The following SHOC2 variants were observed in gnomAD, a reference collection of about 807,000 sequenced individuals.
SHOC2 encodes the protein SHOC2 leucine rich repeat scaffold protein.
A neutral mutation model predicts 50.2 loss-of-function variants in SHOC2; 4 were observed. The ratio of observed to expected loss-of-function variants is 0.08; its 90% confidence interval spans 0.04 to 0.18. SHOC2 has a LOEUF of 0.18. Ranked by LOEUF, SHOC2 falls within the 10% of genes least tolerant of loss-of-function variation. The pLI, the probability that SHOC2 is intolerant of heterozygous loss-of-function variation, is 1.00. For synonymous variants in SHOC2, 218 were observed against 244.5 expected (o/e 0.89, Z 1.01); for missense variants, 388 against 669.6 (o/e 0.58, Z 4.64).
At chr10:110,990,149 C>T (rs1017291248) in intron 3 of SHOC2, among the ~76,000 whole-genome samples, 8 of 152,262 alleles carry the variant, frequency 5.3e-5, no homozygotes, top group African/African-American at 9.6e-5. Flanking sequence ...GGAAGGCGAG[C>T]GCATGGCGCG....
At chr10:110,944,957 G>C (rs576501727) in intron 1 of SHOC2, among the ~76,000 whole-genome samples, 1 of 152,326 alleles carries the variant, frequency 6.6e-6, no homozygotes, top group South Asian at 2.1e-4. Context: ...CTTGTGCAGA[G>C]CTTCAAAGCT....
intron 3 of SHOC2, 112 bp from the exon 4 acceptor site, chr10:111,000,303 G>A (rs888721453): frequency 4.9e-6 from 5 of 1,018,972 alleles, no homozygotes; most frequent in Non-Finnish European, 7.5e-6. Context: ...TAAGGAACTT[G>A]CTGAAACAGT....
At chr10:110,969,466 T>C (rs997835278) in intron 2 of SHOC2, among the ~76,000 whole-genome samples, 3 of 152,208 alleles carry the variant, frequency 2.0e-5, no homozygotes, top group Non-Finnish European at 4.4e-5. Flanking sequence ...AGACAGTTTG[T>C]ATAACGAATC....
chr10:110,997,518 T>A (rs1301869181), intron 3 of SHOC2, among the ~76,000 whole-genome samples: 4 of 146,564 alleles, frequency 2.7e-5, no homozygotes, highest in Admixed American at 6.9e-5. Flanking sequence ...AAATGCACAA[T>A]TTTATCATGC....
intron 5 of SHOC2, among the ~76,000 whole-genome samples, chr10:111,006,396 A>G (rs1030972629): frequency 1.2e-4 from 18 of 152,136 alleles, no homozygotes; most frequent in Non-Finnish European, 2.4e-4. Context: ...TTTGAGACGG[A>G]GTCTCGCTCT....
intron 1 of SHOC2, among the ~76,000 whole-genome samples, chr10:110,940,458 T>A (rs1255802677): frequency 4.6e-5 from 7 of 152,336 alleles, no homozygotes; most frequent in African/African-American, 1.7e-4. Flanking sequence ...GTGAAAATAG[T>A]GTATATTAAA....
chr10:110,959,156 A>G (rs1352564247), intron 1 of SHOC2, among the ~76,000 whole-genome samples: 1 of 152,248 alleles, frequency 6.6e-6, no homozygotes, highest in Non-Finnish European at 1.5e-5. Context: ...CCAGAAAGCA[A>G]TGAAGAGCAA....
rs901682237 is a variant in SHOC2 at position 110,969,449 on chromosome 10, A to G, written c.703+4388A>G. ...TTATGAGTGGATTAGAGCAGGGGCC[A>G]CCAGATAGACAGTTTGTATAACGAA... is the stretch of plus-strand genomic sequence containing the variant. On this transcript the variant is annotated intron_variant, in intron 2 of 8. Transcript: ENST00000369452. Among the ~76,000 whole-genome samples the G allele has an allele frequency of 2.7e-4, 41 of 152,300 alleles. 1 individual carries two copies. Among genetic ancestry groups the G allele is most frequent in the Admixed American group, 2.4e-3 (36 of 15,296 alleles).
chr10:110,963,930 T>C (rs1220843065), intron 1 of SHOC2, among the ~76,000 whole-genome samples, 195 bp from the exon 2 acceptor site: 2 of 152,184 alleles, frequency 1.3e-5, no homozygotes, highest in African/African-American at 4.8e-5. Context: ...TCCTATTAGA[T>C]TGCAAGTTTC....
chr10:111,007,143 GTCT>G lies in SHOC2; in HGVS notation c.1162-381_1162-379del, dbSNP rs544761582. On this transcript the variant is annotated intron_variant, in intron 5 of 8. Coordinates refer to ENST00000369452, the MANE Select transcript of SHOC2 (RefSeq NM_007373.4). ...TTCCTTATGGGCTGTCATTAGATGC[GTCT>G]TCTTCTATTGTTTTCATATCTTTAT... is the stretch of plus-strand genomic sequence containing the variant. 2.2e-4 allele frequency among the ~76,000 whole-genome samples: 33 copies of G among 152,094 alleles called. 1 individual carries two copies. In the South Asian group the frequency reaches 5.6e-3, roughly 26 times the overall value.
chr10:110,923,867 T>C (rs1564699485), intron 1 of SHOC2, among the ~76,000 whole-genome samples: 1 of 152,218 alleles, frequency 6.6e-6, no homozygotes, highest in Non-Finnish European at 1.5e-5. Context: ...TCAATTACTA[T>C]TTAAAAGTCC....
intron 1 of SHOC2, among the ~76,000 whole-genome samples, chr10:110,937,813 A>G (rs1360172029): frequency 6.6e-6 from 1 of 152,214 alleles, no homozygotes; most frequent in Non-Finnish European, 1.5e-5. Context: ...GTAGTTATGA[A>G]GTCTTGTGCA....
intron 2 of SHOC2, among the ~76,000 whole-genome samples, chr10:110,969,500 A>G (rs1847737674): frequency 6.6e-6 from 1 of 152,220 alleles, no homozygotes; most frequent in Non-Finnish European, 1.5e-5. Context: ...AACTCTAGAC[A>G]GTGAAGTTTT....
intron 6 of SHOC2, 89 bp downstream of exon 6, chr10:111,007,742 T>G: frequency 7.9e-7 from 1 of 1,270,272 alleles, no homozygotes; most frequent in Non-Finnish European, 1.1e-6. Context: ...AATTTCTATT[T>G]GGGTGAATGT....
chr10:111,008,806 T>C (rs1848515930), intron 6 of SHOC2, among the ~76,000 whole-genome samples: 1 of 152,122 alleles, frequency 6.6e-6, no homozygotes, highest in Non-Finnish European at 1.5e-5. Flanking sequence ...TTCTCTGCCA[T>C]TTTAACCCCC....
At chr10:110,937,595 G>C (rs568519699) in intron 1 of SHOC2, among the ~76,000 whole-genome samples, 2 of 152,266 alleles carry the variant, frequency 1.3e-5, no homozygotes, top group Admixed American at 1.3e-4. Flanking sequence ...GAGGAAAAGA[G>C]GGGACCATAC....
At chr10:110,934,498 AT>A (rs1846964694) in intron 1 of SHOC2, among the ~76,000 whole-genome samples, 1 of 152,170 alleles carries the variant, frequency 6.6e-6, no homozygotes, top group African/African-American at 2.4e-5. Flanking sequence ...CTATGCTGTC[AT>A]TTTTAATATC....
chr10:110,968,628 G>T (rs1326147522), intron 2 of SHOC2, among the ~76,000 whole-genome samples: 1 of 151,390 alleles, frequency 6.6e-6, no homozygotes, highest in African/African-American at 2.4e-5. Flanking sequence ...TTTTTATTCA[G>T]CAGTATATTT....
At chr10:110,982,876 T>G (rs1291078698) in intron 2 of SHOC2, among the ~76,000 whole-genome samples, 2 of 152,166 alleles carry the variant, frequency 1.3e-5, no homozygotes, top group Non-Finnish European at 2.9e-5. Flanking sequence ...GTTTCCTCTA[T>G]TTTTTGGAAG....
Sources: allele counts gnomAD v4.1 joint callset (sites outside exome capture counted in the v4.1 genomes callset), GRCh38; gene constraint gnomAD v4.1.1; transcripts MANE v1.5; gene names NCBI Gene and HGNC (gene_info 2026-07-23, HGNC 2026-07-21).